The following COL21A1 variants were observed in gnomAD, a reference collection of about 807,000 sequenced individuals.
COL21A1 encodes the protein collagen type XXI alpha 1 chain.
In COL21A1, 149 loss-of-function variants were observed where a neutral mutation model predicts 137.9. The ratio of observed to expected loss-of-function variants is 1.08; its 90% CI spans 0.95 to 1.24. The LOEUF (loss-of-function observed/expected upper bound fraction) is 1.24, where lower values mean the gene tolerates loss of function less well. Among genes scored for constraint, COL21A1 ranks in the 50% most tolerant of loss-of-function variants. The probability of loss-of-function intolerance (pLI) is 0.00; values close to 1 mark genes in which losing one functional copy is unlikely to be tolerated. For synonymous variants in COL21A1, 456 were observed against 391.5 expected (o/e 1.16, Z -1.95); for missense variants, 1,167 against 1,158.4 (o/e 1.01, Z -0.11).
chr6:56,158,115 T>C (rs1319129972), intron 9 of COL21A1, among the ~76,000 whole-genome samples: 2 of 152,046 alleles, frequency 1.3e-5, no homozygotes, highest in Non-Finnish European at 2.9e-5. Context: ...CTAAAAAATA[T>C]CATAGGTATC....
chr6:56,171,366 A>G lies in COL21A1; in HGVS notation c.641-238T>C, dbSNP rs182851415. Among the ~76,000 whole-genome samples, 91 of 152,074 alleles carry G rather than the reference A, an allele frequency of 6.0e-4. 1 individual carries two copies. The East Asian group carries it at 0.013, about 22-fold the overall frequency. On this transcript the variant is annotated intron_variant, in intron 3 of 29. Transcript: ENST00000244728. ...TGCTTTTTTCTCTAAAAAATAAGGG[A>G]TAAAAGTAAAACAAAAATATAAATA...
rs371264943 is a variant in COL21A1 at position 56,343,836 on chromosome 6, G to A, written c.-39+50135C>T. Among the ~76,000 whole-genome samples, 169 of 152,214 alleles carry A rather than the reference G, an allele frequency of 1.1e-3. 1 individual carries two copies. The highest frequency in any genetic ancestry group is 3.9e-3 in the African/African-American group (163 of 41,544). On this transcript the variant is annotated intron_variant, in intron 1 of 28. Transcript: ENST00000370819. ...CATGCACCTGTAGTCCCAGCTACTC[G>A]ATGGTGGGGGAGCTGAGGTGGGAGG...
chr6:56,264,942 T>C (rs1219626179), intron 1 of COL21A1, among the ~76,000 whole-genome samples: 1 of 152,182 alleles, frequency 6.6e-6, no homozygotes, highest in Non-Finnish European at 1.5e-5. Flanking sequence ...TTCTTTCTTC[T>C]ACCAATAGCA....
chr6:56,324,512 T>C (rs1764952787), intron 1 of COL21A1, among the ~76,000 whole-genome samples: 1 of 151,978 alleles, frequency 6.6e-6, no homozygotes, highest in Non-Finnish European at 1.5e-5. Context: ...CATCCCCCTC[T>C]GACCCTCTCA....
intron 1 of COL21A1, among the ~76,000 whole-genome samples, chr6:56,279,730 A>G (rs1246052406): frequency 6.6e-6 from 1 of 152,242 alleles, no homozygotes; most frequent in Non-Finnish European, 1.5e-5. Flanking sequence ...ATTGTCTGTC[A>G]GCTTTGAACC....
rs367894913 is a variant in COL21A1 at position 56,168,105 on chromosome 6, T to C, written c.1200+19A>G. ...GTTTCATTCTATATAATTCAAAGAG[T>C]AAATCATTATTTATCTACCTGAACA... On this transcript the variant is annotated intron_variant, in intron 6 of 29. Transcript: ENST00000244728. 5.5e-6 allele frequency: 8 copies of C among 1,441,444 alleles called. No individual in the cohort carries two copies. The African/African-American group carries it at 5.7e-5, about 10-fold the overall frequency. 89.3% of individuals were successfully genotyped at this position (1,441,444 alleles called of 1,614,324 possible). A position where few individuals can be genotyped will look rare whatever the true frequency, so the allele number is the denominator to read the frequency against.
intron 1 of COL21A1, chr6:56,332,139 C>A (rs760839396): frequency 4.0e-5 from 6 of 151,820 alleles, no homozygotes; most frequent in Non-Finnish European, 8.8e-5. Flanking sequence ...TTAATTAATT[C>A]TATTAATTTT....
At chr6:56,084,174 G>T (rs903089494) in intron 17 of COL21A1, among the ~76,000 whole-genome samples, 1 of 150,698 alleles carries the variant, frequency 6.6e-6, no homozygotes, top group South Asian at 2.1e-4. Context: ...ACACTTATAG[G>T]GATATATCCC....
intron 1 of COL21A1, among the ~76,000 whole-genome samples, chr6:56,305,051 G>A (rs1764407487): frequency 6.6e-6 from 1 of 152,208 alleles, no homozygotes; most frequent in Admixed American, 6.5e-5. Context: ...TTTTGAGTGA[G>A]TTTCTTAATC....
chr6:56,339,486 TA>T (rs1461750861), intron 1 of COL21A1, among the ~76,000 whole-genome samples: 4 of 152,304 alleles, frequency 2.6e-5, no homozygotes, highest in African/African-American at 9.6e-5. Context: ...GAAATAGTCT[TA>T]AAAACAAAAG....
intron 12 of COL21A1, among the ~76,000 whole-genome samples, chr6:56,134,390 C>T (rs1319697570): frequency 6.6e-6 from 1 of 152,174 alleles, no homozygotes. Flanking sequence ...GCCTGTACCC[C>T]TATTTTATCT....
At chr6:56,208,363 C>A (rs1014278122) in intron 1 of COL21A1, among the ~76,000 whole-genome samples, 38 of 151,998 alleles carry the variant, frequency 2.5e-4, no homozygotes, top group Non-Finnish European at 7.3e-5. Flanking sequence ...AAATCACAAG[C>A]ATTCCTATAC....
At chr6:56,384,495 T>C (rs1020763115) in intron 1 of COL21A1, among the ~76,000 whole-genome samples, 3 of 152,230 alleles carry the variant, frequency 2.0e-5, no homozygotes, top group African/African-American at 7.2e-5. Flanking sequence ...GATAAATTCT[T>C]ACTGACAACT....
intron 1 of COL21A1, among the ~76,000 whole-genome samples, chr6:56,261,269 C>T (rs1030945614): frequency 6.6e-6 from 1 of 152,074 alleles, no homozygotes; most frequent in Non-Finnish European, 1.5e-5. Context: ...CTGCCTCACC[C>T]GAATCATGCT....
At chr6:56,354,141 CTG>C (rs2152347312) in intron 1 of COL21A1, among the ~76,000 whole-genome samples, 1 of 152,272 alleles carries the variant, frequency 6.6e-6, no homozygotes, top group South Asian at 2.1e-4. Context: ...AAAGAACAAA[CTG>C]TGTGATCTCA....
chr6:56,081,641 C>A (rs868170681), intron 17 of COL21A1, among the ~76,000 whole-genome samples: 1 of 151,750 alleles, frequency 6.6e-6, no homozygotes, highest in Non-Finnish European at 1.5e-5. Context: ...AACTTACACT[C>A]GCAGTTGCCA....
chr6:56,099,824 C>G (rs371486991), intron 17 of COL21A1, among the ~76,000 whole-genome samples: 4 of 152,116 alleles, frequency 2.6e-5, no homozygotes, highest in East Asian at 3.9e-4. Context: ...CTCATGCTAC[C>G]CTATTGAACC....
intron 1 of COL21A1, among the ~76,000 whole-genome samples, chr6:56,331,538 C>T (rs560742380): frequency 2.3e-5 from 3 of 130,002 alleles, no homozygotes; most frequent in African/African-American, 7.7e-5. Flanking sequence ...AAAGGATGTC[C>T]TTTCCCCAGT....
intron 1 of COL21A1, among the ~76,000 whole-genome samples, chr6:56,375,047 G>T (rs2093996698): frequency 6.6e-6 from 1 of 152,290 alleles, no homozygotes; most frequent in South Asian, 2.1e-4. Context: ...CTTACATGAT[G>T]CCAGAACTCT....
Sources: allele counts gnomAD v4.1 joint callset (sites outside exome capture counted in the v4.1 genomes callset), GRCh38; gene constraint gnomAD v4.1.1; transcripts MANE v1.5; gene names NCBI Gene and HGNC (gene_info 2026-07-23, HGNC 2026-07-21).